Variants in NBPF12 observed in about 807,000 individuals in gnomAD.
NBPF12 encodes the protein NBPF family member NBPF12.
NBPF12 carries 115 observed loss-of-function variants against 146.4 expected under a neutral mutation model. That is an observed-to-expected ratio of 0.79 (90% confidence interval 0.68 to 0.92). The LOEUF (loss-of-function observed/expected upper bound fraction) is 0.92, where lower values mean the gene tolerates loss of function less well. NBPF12 is among the 40% of genes least tolerant of loss of function. The pLI is 0.00. For synonymous variants in NBPF12, 385 were observed against 508.9 expected, an observed-to-expected ratio of 0.76 and a Z score of 3.28; for missense variants, 1,205 against 1,326.8, an observed-to-expected ratio of 0.91 and a Z score of 1.43.
upstream of NBPF12, among the ~76,000 whole-genome samples, chr1:146,948,807 G>C (rs1396146007): frequency 7.3e-5 from 11 of 151,434 alleles, no homozygotes; most frequent in African/African-American, 2.7e-4. Flanking sequence ...GAAGGCGTCT[G>C]TCTCCTGCTC....
intron 2 of NBPF12, among the ~76,000 whole-genome samples, chr1:146,957,841 A>AAC (rs1655664616): frequency 8.5e-6 from 1 of 116,996 alleles, no homozygotes; most frequent in African/African-American, 3.0e-5. Flanking sequence ...AAAAAAATAT[A>AAC]ATATATATAT....
At chr1:146,994,975 C>T (rs1658455566) in exon 34 of NBPF12, 2 of 290,502 alleles carry the variant, frequency 6.9e-6, no homozygotes, top group South Asian at 7.8e-5. Flanking sequence ...ATGAACCTAA[C>T]CTCATTATTT....
chr1:146,973,647 G>A (rs1656801897), intron 14 of NBPF12, among the ~76,000 whole-genome samples: 2 of 149,118 alleles, frequency 1.3e-5, no homozygotes, highest in African/African-American at 5.1e-5. Flanking sequence ...AAGTAGATGG[G>A]CATGGTGGCA....
chr1:146,970,097 C>T (rs1267805684), intron 11 of NBPF12, among the ~76,000 whole-genome samples: 1 of 150,410 alleles, frequency 6.6e-6, no homozygotes. Flanking sequence ...GATGAAGCCC[C>T]TCTCGGTGTG....
At chr1:146,994,477 C>T (rs1553890078) in exon 34 of NBPF12, 12 of 1,609,366 alleles carry the variant, frequency 7.5e-6, no homozygotes, top group South Asian at 2.2e-5. Flanking sequence ...TGAGGAACAG[C>T]ACATCACCTT....
At chr1:146,956,358 T>A (rs1372536729) in intron 2 of NBPF12, among the ~76,000 whole-genome samples, 1 of 152,046 alleles carries the variant, frequency 6.6e-6, no homozygotes, top group Non-Finnish European at 1.5e-5. Flanking sequence ...GAAAGGCTGA[T>A]GAACTGCAAA....
At chr1:146,960,467 T>G (rs1294560916) in intron 4 of NBPF12, 149 bp downstream of exon 7, 1 of 619,836 alleles carries the variant, frequency 1.6e-6, no homozygotes, top group Non-Finnish European at 2.9e-6. Context: ...TTTGTTAAAG[T>G]TGGAAGACAG....
exon 11 of NBPF12, chr1:146,969,564 T>G: frequency 2.5e-6 from 4 of 1,608,430 alleles, no homozygotes; most frequent in Non-Finnish European, 3.4e-6. Context: ...GGGTGTAGAC[T>G]GGCACAGCAC....
rs1231249967 is a variant in NBPF12 at position 146,969,740 on chromosome 1, G to A, written c.1306+144G>A. ...CCATGACATGACCAGGACTTCCTGG[G>A]TAAGAACGGAGATGGGAAACCCATG... is the stretch of plus-strand genomic sequence containing the variant. On this transcript the variant is annotated intron_variant, in intron 11 of 33. Coordinates refer to ENST00000617844, the Ensembl canonical transcript of NBPF12. 1.9e-5 allele frequency: 29 copies of A among 1,500,266 alleles called. No individual in the cohort carries two copies. The East Asian group carries it at 6.2e-4, about 32-fold the overall frequency. 92.9% of individuals were successfully genotyped at this position (1,500,266 alleles called of 1,614,324 possible).
In NBPF12 at chr1:146,962,142, G is replaced by C; in HGVS notation, c.176-19G>C. ...TGTCCAGCCTTCCACTGAGGCAGGC[G>C]TGTCTGTCTTTTTCTCAGAGTATGA... On this transcript the variant is annotated intron_variant, in intron 4 of 33. Coordinates refer to ENST00000617844, the Ensembl canonical transcript of NBPF12. 2 of 1,607,698 alleles carry C rather than the reference G, an allele frequency of 1.2e-6. No individual in the cohort carries two copies. The highest frequency in any genetic ancestry group is 2.2e-5 in the South Asian group (2 of 90,948).
chr1:146,944,626 A>G (rs1654938998), upstream of NBPF12, among the ~76,000 whole-genome samples: 4 of 151,840 alleles, frequency 2.6e-5, no homozygotes, highest in South Asian at 8.3e-4. Flanking sequence ...CAGAGGAATA[A>G]TGTGTTTCAG....
chr1:146,944,471 C>A (rs1443246582), upstream of NBPF12, among the ~76,000 whole-genome samples: 1 of 147,364 alleles, frequency 6.8e-6, no homozygotes, highest in Non-Finnish European at 1.5e-5. Context: ...GAGGCCCCCA[C>A]CTGCAGCCGG....
chr1:146,946,511 CCT>C (rs1655075357), upstream of NBPF12, among the ~76,000 whole-genome samples: 1 of 83,076 alleles, frequency 1.2e-5, no homozygotes, highest in Non-Finnish European at 2.3e-5. Flanking sequence ...AGATCTTTCA[CCT>C]TTTTTTTTTT....
chr1:146,962,952 G>A (rs1655956296), intron 5 of NBPF12, 143 bp from the exon 9 acceptor site: 2 of 647,046 alleles, frequency 3.1e-6, no homozygotes, highest in African/African-American at 3.7e-5. Flanking sequence ...CTTTCTCTTG[G>A]CCACAGACAT....
intron 19 of NBPF12, among the ~76,000 whole-genome samples, chr1:146,980,051 C>T (rs1302695001): frequency 0.041 from 6,069 of 146,566 alleles, 458 homozygotes; most frequent in African/African-American, 0.15. Flanking sequence ...TTGAATTGAT[C>T]CCTTTACCAT....
intron 19 of NBPF12, among the ~76,000 whole-genome samples, chr1:146,981,555 T>TA (rs1439285377): frequency 6.6e-6 from 1 of 151,444 alleles, no homozygotes; most frequent in Non-Finnish European, 1.5e-5. Context: ...TCTCGAGGAG[T>TA]ATCTTTATGG....
chr1:146,945,838 G>A (rs1179468558), upstream of NBPF12, among the ~76,000 whole-genome samples: 1 of 151,978 alleles, frequency 6.6e-6, no homozygotes, highest in Admixed American at 6.5e-5. Context: ...TTCATTCTTT[G>A]AGTTTCACAG....
intron 14 of NBPF12, 73 bp downstream of exon 17, chr1:146,973,033 C>T (rs1656756403): frequency 2.5e-6 from 2 of 784,322 alleles, no homozygotes; most frequent in African/African-American, 1.7e-5. Flanking sequence ...ACTAAGTGCT[C>T]TCTCCATCAA....
At chr1:146,965,461 T>C (rs1313224474) in intron 8 of NBPF12, among the ~76,000 whole-genome samples, 2 of 150,668 alleles carry the variant, frequency 1.3e-5, no homozygotes, top group Non-Finnish European at 2.9e-5. Flanking sequence ...CAGGCTAGAC[T>C]CTCTTTTTCA....
Sources: allele counts gnomAD v4.1 joint callset (sites outside exome capture counted in the v4.1 genomes callset), GRCh38; gene constraint gnomAD v4.1.1; transcripts MANE v1.5; gene names NCBI Gene and HGNC (gene_info 2026-07-23, HGNC 2026-07-21).